Variants in SPRYD7 observed in about 807,000 individuals in gnomAD.
The protein encoded by SPRYD7 is SPRY domain containing 7.
In SPRYD7, 14 loss-of-function variants were observed where a neutral mutation model predicts 23.8. The observed-to-expected ratio is 0.59, with a 90% CI of 0.39 to 0.92. SPRYD7 has a LOEUF of 0.92. Ranked by LOEUF, SPRYD7 falls within the 40% of genes least tolerant of loss-of-function variation. The pLI is 0.00. For synonymous variants in SPRYD7, 75 were observed against 84.9 expected (o/e 0.88, Z 0.64); for missense variants, 194 against 241.7 (o/e 0.80, Z 1.31).
At chr13:49,926,887 T>A (rs1469252029) in intron 3 of SPRYD7, among the ~76,000 whole-genome samples, 1 of 152,068 alleles carries the variant, frequency 6.6e-6, no homozygotes, top group Non-Finnish European at 1.5e-5. Flanking sequence ...GACCTCTGGA[T>A]AGGGAGGGGT....
chr13:49,920,248 C>T (rs990604850), intron 4 of SPRYD7, among the ~76,000 whole-genome samples: 3 of 138,302 alleles, frequency 2.2e-5, no homozygotes, highest in Non-Finnish European at 3.1e-5. Flanking sequence ...AAGACTCTGT[C>T]GCAAAACAAA....
At chr13:49,925,713 G>A (rs61960442) in intron 3 of SPRYD7, among the ~76,000 whole-genome samples, 26,960 of 151,686 alleles carry the variant, frequency 0.18, 2,727 homozygotes, top group African/African-American at 0.26. Flanking sequence ...TCAGGAGGCT[G>A]AGGCAGGAGT....
intron 3 of SPRYD7, among the ~76,000 whole-genome samples, chr13:49,925,422 TG>T (rs1446715216): frequency 1.3e-5 from 2 of 151,884 alleles, no homozygotes; most frequent in African/African-American, 4.8e-5. Context: ...TGTTTGTTAT[TG>T]TTATTATTAC....
At chr13:49,933,326 C>T (rs972699033) in intron 1 of SPRYD7, among the ~76,000 whole-genome samples, 2 of 152,102 alleles carry the variant, frequency 1.3e-5, no homozygotes, top group Non-Finnish European at 1.5e-5. Flanking sequence ...CTTGGCCAGG[C>T]GAGGTGGCTA....
At chr13:49,924,199 C>T (rs1439931559) in intron 3 of SPRYD7, among the ~76,000 whole-genome samples, 1 of 152,088 alleles carries the variant, frequency 6.6e-6, no homozygotes, top group East Asian at 1.9e-4. Context: ...GTTGGTCAGG[C>T]TGGTCTCGAA....
intron 4 of SPRYD7, among the ~76,000 whole-genome samples, chr13:49,920,159 G>A (rs1036131176): frequency 6.6e-6 from 1 of 152,088 alleles, no homozygotes; most frequent in African/African-American, 2.4e-5. Context: ...GCTGAGGTGG[G>A]AGGATTGCTT....
intron 1 of SPRYD7, among the ~76,000 whole-genome samples, chr13:49,933,706 G>A (rs1249466938): frequency 1.3e-5 from 2 of 152,048 alleles, no homozygotes; most frequent in African/African-American, 2.4e-5. Context: ...GTACACAGAC[G>A]GTTTTAGAAT....
At chr13:49,930,956 C>G in intron 2 of SPRYD7, 62 bp downstream of exon 2, 1 of 1,045,814 alleles carries the variant, frequency 9.6e-7, no homozygotes, top group South Asian at 1.6e-5. Context: ...TTATGTGTTA[C>G]AAATTACTCT....
At position 49,936,227 on chromosome 13, in the gene SPRYD7, G is replaced by T; in HGVS notation, c.9C>A (p.Thr3=). 1 of 1,603,244 alleles carries T rather than the reference G, an allele frequency of 6.2e-7. No individual in the cohort carries two copies. The change falls in exon 1 of 5, where the codon ACC becomes ACA. Residue 3 remains threonine, a synonymous_variant. Transcript: ENST00000361840. ...AGCACCGCAGGCAGCACAACACCGA[G>T]GTGGCCATCGCGCAGGGACCACCGA... MA[T]SVLCCLRCCR...
intron 4 of SPRYD7, among the ~76,000 whole-genome samples, chr13:49,917,970 T>C (rs74903010): frequency 0.012 from 1,756 of 152,370 alleles, 15 homozygotes; most frequent in South Asian, 0.04. Context: ...AAGCTTTGGC[T>C]ATTATCATAT....
chr13:49,922,507 G>A (rs1423361254), intron 3 of SPRYD7, among the ~76,000 whole-genome samples: 5 of 152,026 alleles, frequency 3.3e-5, no homozygotes, highest in African/African-American at 1.2e-4. Context: ...ACCTAAGGTT[G>A]CACAGCTAGG....
intron 2 of SPRYD7, among the ~76,000 whole-genome samples, chr13:49,928,579 C>A (rs188403596): frequency 6.6e-6 from 1 of 152,326 alleles, no homozygotes; most frequent in African/African-American, 2.4e-5. Context: ...CATCATCTTG[C>A]GCAAATTACC....
At chr13:49,923,708 A>G (rs1955845853) in intron 3 of SPRYD7, among the ~76,000 whole-genome samples, 1 of 151,930 alleles carries the variant, frequency 6.6e-6, no homozygotes, top group South Asian at 2.1e-4. Flanking sequence ...GCTGGAGCGC[A>G]GTGGCGCGAC....
rs1218544303 is a variant in SPRYD7 at position 49,914,942 on chromosome 13, T to G, written c.*121A>C. The G allele has an allele frequency of 4.0e-6, 2 of 501,150 alleles. No homozygotes were observed. Among genetic ancestry groups the G allele is most frequent in the African/African-American group, 4.0e-5 (2 of 50,096 alleles). 31.0% of individuals were successfully genotyped at this position (501,150 alleles called of 1,614,324 possible). ...TGGTATACTGAATACATTGGTTCCT[T>G]AGACAGCATCAACAAGCATATTTTT... is the stretch of plus-strand genomic sequence containing the variant. On this transcript the variant is annotated 3_prime_UTR_variant, in exon 5 of 5. Transcript: ENST00000361840.
In SPRYD7 at chr13:49,915,072, T is replaced by C; in HGVS notation, c.582A>G (p.Gln194=). ...TTAAAAACAAATACATTCAGAAGAT[T>C]TGCTGTTCAAATAATATTTTTTCAA... ...PGFEKILFEQ[Q]IF The change falls in exon 5 of 5, where the codon CAA becomes CAG. Residue 194 remains glutamine, a synonymous_variant. Transcript: ENST00000361840. 1 of 1,547,254 alleles carries C rather than the reference T, an allele frequency of 6.5e-7. No individual in the cohort carries two copies. Among genetic ancestry groups the C allele is most frequent in the Non-Finnish European group, 8.8e-7 (1 of 1,141,248 alleles).
At chr13:49,933,986 A>G (rs1259949606) in intron 1 of SPRYD7, among the ~76,000 whole-genome samples, 2 of 152,192 alleles carry the variant, frequency 1.3e-5, no homozygotes, top group African/African-American at 4.8e-5. Context: ...GTTTTAAGTA[A>G]TACAACATCA....
intron 1 of SPRYD7, among the ~76,000 whole-genome samples, chr13:49,932,166 C>T (rs1871409783): frequency 6.6e-6 from 1 of 152,138 alleles, no homozygotes; most frequent in African/African-American, 2.4e-5. Context: ...CTAAAAGCCA[C>T]CTGAATGCCT....
Position 49,927,915 on chromosome 13 carries a change from T to C in SPRYD7, c.390+4A>G. ...GTGGAAAGCAACTCCATGAGGGAACTCACCACCACATCTCCTTCCTGCGGA... is the reference window on the plus strand; with the variant it reads ...GTGGAAAGCAACTCCATGAGGGAACCCACCACCACATCTCCTTCCTGCGGA... On this transcript the variant is annotated splice_donor_region_variant and intron_variant, in intron 3 of 4. Coordinates refer to ENST00000361840, the MANE Select transcript of SPRYD7 (RefSeq NM_020456.4). 6.2e-7 allele frequency: 1 copy of C among 1,614,048 alleles called. No homozygotes were observed. The highest frequency in any genetic ancestry group is 8.5e-7 in the Non-Finnish European group (1 of 1,179,974).
chr13:49,927,755 G>A (rs1367485982), intron 3 of SPRYD7, among the ~76,000 whole-genome samples, 164 bp downstream of exon 3: 1 of 151,636 alleles, frequency 6.6e-6, no homozygotes, highest in African/African-American at 2.4e-5. Context: ...TGAGTAGGGT[G>A]CAACATCTAC....
Sources: allele counts gnomAD v4.1 joint callset (sites outside exome capture counted in the v4.1 genomes callset), GRCh38; gene constraint gnomAD v4.1.1; transcripts MANE v1.5; gene names NCBI Gene and HGNC (gene_info 2026-07-23, HGNC 2026-07-21).